The following NEBL variants were observed in gnomAD, a reference collection of about 807,000 sequenced individuals.
The protein encoded by NEBL is LIM and SH3 protein 2.
NEBL carries 122 observed loss-of-function variants against 140.2 expected under a neutral mutation model. The ratio of observed to expected loss-of-function variants is 0.87; its 90% CI spans 0.75 to 1.01. The LOEUF (loss-of-function observed/expected upper bound fraction) is 1.01, where lower values mean the gene tolerates loss of function less well. NEBL is among the 50% of genes least tolerant of loss of function. The pLI is 0.00. For synonymous variants in NEBL, 436 were observed against 398.9 expected, an observed-to-expected ratio of 1.09 and a Z score of -1.11; for missense variants, 1,365 against 1,231.3, an observed-to-expected ratio of 1.11 and a Z score of -1.62.
At chr10:21,019,308 A>C (rs1302907846) in intron 3 of NEBL, among the ~76,000 whole-genome samples, 1 of 152,262 alleles carries the variant, frequency 6.6e-6, no homozygotes, top group African/African-American at 2.4e-5. Flanking sequence ...AACATCAGAG[A>C]AACTGGCCTA....
intron 14 of NEBL, among the ~76,000 whole-genome samples, chr10:20,832,154 C>T (rs868803887): frequency 6.6e-6 from 1 of 152,156 alleles, no homozygotes. Flanking sequence ...GTCAATGTTC[C>T]CCACTCCTAA....
intron 2 of NEBL, among the ~76,000 whole-genome samples, chr10:21,118,798 G>C (rs1435401293): frequency 6.6e-6 from 1 of 152,088 alleles, no homozygotes; most frequent in Non-Finnish European, 1.5e-5. Flanking sequence ...TGAATGCATA[G>C]TCATTTATAG....
At chr10:21,001,822 C>G (rs993442943) in intron 3 of NEBL, among the ~76,000 whole-genome samples, 2 of 152,144 alleles carry the variant, frequency 1.3e-5, no homozygotes, top group African/African-American at 4.8e-5. Flanking sequence ...AAAATAAGAA[C>G]TGATTTCCTC....
intron 2 of NEBL, among the ~76,000 whole-genome samples, chr10:21,041,791 A>G (rs2131832113): frequency 6.6e-6 from 1 of 152,336 alleles, no homozygotes; most frequent in Non-Finnish European, 1.5e-5. Flanking sequence ...TGGAGTATTT[A>G]TGAGTTTTCC....
At chr10:20,809,022 T>C (rs1432387671) in intron 25 of NEBL, among the ~76,000 whole-genome samples, 1 of 152,198 alleles carries the variant, frequency 6.6e-6, no homozygotes, top group Non-Finnish European at 1.5e-5. Context: ...CTTTTCTTTA[T>C]TTTTAGAAAA....
At chr10:20,793,229 ATT>A (rs1244049276) in intron 26 of NEBL, 1 of 440,148 alleles carries the variant, frequency 2.3e-6, no homozygotes, top group Non-Finnish European at 3.0e-6. Flanking sequence ...GTGCTCTATA[ATT>A]GAGTTAAAAC....
intron 1 of NEBL, among the ~76,000 whole-genome samples, chr10:21,288,779 AAG>A (rs1207467230): frequency 1.5e-5 from 2 of 131,160 alleles, no homozygotes; most frequent in African/African-American, 2.7e-5. Context: ...AAAAAAGAAA[AAG>A]AAAATTATTA....
chr10:21,243,197 C>T (rs774973495), intron 3 of NEBL, among the ~76,000 whole-genome samples: 97 of 152,106 alleles, frequency 6.4e-4, no homozygotes, highest in Non-Finnish European at 1.1e-3. Context: ...TGGTAGACAT[C>T]CATTCAAGAT....
intron 2 of NEBL, among the ~76,000 whole-genome samples, chr10:21,041,473 C>T (rs1016266104): frequency 2.0e-5 from 3 of 151,782 alleles, no homozygotes; most frequent in Admixed American, 6.6e-5. Flanking sequence ...GGAAAAAAGC[C>T]GAGAAGAAAA....
intron 2 of NEBL, chr10:21,030,640 G>A (rs1010208548): frequency 3.7e-6 from 2 of 537,726 alleles, no homozygotes; most frequent in Middle Eastern, 3.7e-4. Context: ...AGCAAGGAAA[G>A]ATGAAAATAA....
At chr10:20,820,279 T>G (rs569026013) in intron 19 of NEBL, among the ~76,000 whole-genome samples, 1 of 152,304 alleles carries the variant, frequency 6.6e-6, no homozygotes, top group Non-Finnish European at 1.5e-5. Flanking sequence ...TTTTCTTAGC[T>G]GGGGATCTAA....
chr10:21,085,419 C>G (rs115254514), intron 2 of NEBL, among the ~76,000 whole-genome samples: 1 of 152,018 alleles, frequency 6.6e-6, no homozygotes, highest in Non-Finnish European at 1.5e-5. Flanking sequence ...GCCAGGAGTT[C>G]GAGACCAGTC....
intron 1 of NEBL, among the ~76,000 whole-genome samples, chr10:21,274,557 C>G (rs767744735): frequency 6.6e-6 from 1 of 152,116 alleles, no homozygotes; most frequent in Non-Finnish European, 1.5e-5. Context: ...TCCCGAGTAG[C>G]TGGGATTACA....
At chr10:21,248,868 A>G (rs1374798356) in intron 2 of NEBL, among the ~76,000 whole-genome samples, 1 of 151,592 alleles carries the variant, frequency 6.6e-6, no homozygotes, top group Non-Finnish European at 1.5e-5. Flanking sequence ...TAGACATCCC[A>G]ATGGGTATGA....
intron 3 of NEBL, among the ~76,000 whole-genome samples, chr10:21,227,728 T>TCTTCTTCTC (rs1842184263): frequency 1.5e-5 from 2 of 135,136 alleles, no homozygotes; most frequent in South Asian, 4.7e-4. Context: ...TTCTTCTTCT[T>TCTTCTTCTC]CTTCTTCTTC....
chr10:20,882,446 T>C (rs527802026), intron 4 of NEBL, among the ~76,000 whole-genome samples: 3 of 152,174 alleles, frequency 2.0e-5, no homozygotes, highest in African/African-American at 2.4e-5. Flanking sequence ...GAAAATAATA[T>C]ATAAAATTAA....
intron 1 of NEBL, among the ~76,000 whole-genome samples, chr10:21,262,199 G>A (rs576855818): frequency 9.2e-5 from 14 of 152,302 alleles, no homozygotes; most frequent in African/African-American, 3.1e-4. Context: ...CTATGGAAAC[G>A]GCTCCAATGA....
intron 11 of NEBL, among the ~76,000 whole-genome samples, chr10:20,846,696 A>G (rs945897164): frequency 6.6e-6 from 1 of 152,208 alleles, no homozygotes; most frequent in African/African-American, 2.4e-5. Flanking sequence ...GGACTCTTTA[A>G]ATGGTGAAAT....
intron 2 of NEBL, among the ~76,000 whole-genome samples, chr10:21,115,949 CT>C (rs1384117447): frequency 6.6e-6 from 1 of 152,018 alleles, no homozygotes; most frequent in Admixed American, 6.6e-5. Context: ...TTTTAGTCTT[CT>C]TTTTTCATGT....
Sources: allele counts gnomAD v4.1 joint callset (sites outside exome capture counted in the v4.1 genomes callset), GRCh38; gene constraint gnomAD v4.1.1; transcripts MANE v1.5; gene names NCBI Gene and HGNC (gene_info 2026-07-23, HGNC 2026-07-21).